The following PTPRO variants were observed in gnomAD, a reference collection of about 807,000 sequenced individuals.
PTPRO encodes the protein receptor-type tyrosine-protein phosphatase O.
PTPRO carries 62 observed loss-of-function variants against 145.2 expected under a neutral mutation model. That is an observed-to-expected ratio of 0.43 (90% confidence interval 0.35 to 0.53). The LOEUF is 0.53. Among genes scored for constraint, PTPRO ranks in the 20% least tolerant of loss-of-function variants. The pLI is 0.01. For synonymous variants in PTPRO, 565 were observed against 514.7 expected (o/e 1.10, Z -1.32); for missense variants, 1,345 against 1,482.7 (o/e 0.91, Z 1.53).
intron 2 of PTPRO, among the ~76,000 whole-genome samples, chr12:15,487,886 C>A (rs771608536): frequency 4.6e-5 from 7 of 152,178 alleles, no homozygotes; most frequent in Non-Finnish European, 7.3e-5. Context: ...CAGAGCAATT[C>A]TTTGCATCCA....
At chr12:15,333,575 C>G (rs1033838536) in intron 1 of PTPRO, among the ~76,000 whole-genome samples, 1 of 152,116 alleles carries the variant, frequency 6.6e-6, no homozygotes, top group Non-Finnish European at 1.5e-5. Context: ...AGAGGAATAG[C>G]AGGATGCAGG....
chr12:15,340,948 A>G (rs1315566123), intron 1 of PTPRO, among the ~76,000 whole-genome samples: 2 of 152,186 alleles, frequency 1.3e-5, no homozygotes, highest in Non-Finnish European at 2.9e-5. Flanking sequence ...TCTGTTTAAT[A>G]CTCTTATCTG....
At chr12:15,435,635 T>C (rs1940574884) in intron 1 of PTPRO, among the ~76,000 whole-genome samples, 2 of 152,116 alleles carry the variant, frequency 1.3e-5, no homozygotes, top group African/African-American at 2.4e-5. Context: ...TCCTCATATT[T>C]CTCAAATATA....
At chr12:15,522,438 T>C (rs1384980317) in intron 10 of PTPRO, among the ~76,000 whole-genome samples, 1 of 150,934 alleles carries the variant, frequency 6.6e-6, no homozygotes, top group Non-Finnish European at 1.5e-5. Flanking sequence ...CCGACAGTTC[T>C]CATGTGATGC....
At chr12:15,562,309 G>A (rs1184172964) in intron 17 of PTPRO, among the ~76,000 whole-genome samples, 1 of 152,048 alleles carries the variant, frequency 6.6e-6, no homozygotes, top group Non-Finnish European at 1.5e-5. Context: ...ATTTTCCCCT[G>A]CTTTCATTGG....
At chr12:15,391,203 G>A (rs534784921) in intron 1 of PTPRO, among the ~76,000 whole-genome samples, 1 of 152,130 alleles carries the variant, frequency 6.6e-6, no homozygotes, top group African/African-American at 2.4e-5. Flanking sequence ...GATCCAAAAT[G>A]CCTTTTATAA....
At position 15,412,928 on chromosome 12, in the gene PTPRO, G is replaced by A. The variant is rs149568539; in HGVS notation, c.76-71046G>A. 8.3e-3 allele frequency among the ~76,000 whole-genome samples: 1,266 copies of A among 152,298 alleles called. 8 individuals carry two copies. The highest frequency in any genetic ancestry group is 0.013 in the Non-Finnish European group (856 of 68,022). On this transcript the variant is annotated intron_variant, in intron 1 of 26. Coordinates refer to ENST00000281171, the MANE Select transcript of PTPRO (RefSeq NM_030667.3). ...CCTGCCTCAGCCTCCCAAGTAGACA[G>A]GATTACAGGCATGCACACCATGCCC...
At chr12:15,388,030 C>T (rs953564839) in intron 1 of PTPRO, among the ~76,000 whole-genome samples, 2 of 152,032 alleles carry the variant, frequency 1.3e-5, no homozygotes, top group African/African-American at 4.8e-5. Context: ...AGAGATCCAC[C>T]TAGTTATAAA....
At chr12:15,567,193 C>A (rs562404239) in intron 18 of PTPRO, among the ~76,000 whole-genome samples, 11 of 152,222 alleles carry the variant, frequency 7.2e-5, no homozygotes, top group African/African-American at 2.4e-4. Flanking sequence ...ACCTTCCCCC[C>A]TCTCATTTTC....
rs772080771 is a variant in PTPRO at position 15,483,980 on chromosome 12, A to G, written c.82A>G (p.Thr28Ala). The change falls in exon 2 of 27, where the codon ACA (threonine) becomes GCA (alanine). Residue 28 changes from threonine to alanine, a missense_variant. Coordinates refer to ENST00000281171, the MANE Select transcript of PTPRO (RefSeq NM_030667.3). ...ATTCTGTTTCATTCAACAGAATGCT[A>G]CAGCTTTCCATGTAACTGTCCAAGA... ...LWLFVLFKNATAFHVTVQDDN... is the reference protein window; with the variant it reads ...LWLFVLFKNAAAFHVTVQDDN... The G allele has an allele frequency of 1.2e-6, 2 of 1,613,440 alleles. No homozygotes were observed. Among genetic ancestry groups the G allele is most frequent in the Admixed American group, 3.3e-5 (2 of 60,006 alleles).
chr12:15,416,620 G>T (rs1939984973), intron 1 of PTPRO, among the ~76,000 whole-genome samples: 1 of 151,404 alleles, frequency 6.6e-6, no homozygotes, highest in Admixed American at 6.6e-5. Context: ...CGCCCAGCCG[G>T]TTCCTCTCTC....
At chr12:15,376,474 T>A (rs577764463) in intron 1 of PTPRO, among the ~76,000 whole-genome samples, 3 of 152,226 alleles carry the variant, frequency 2.0e-5, no homozygotes, top group Admixed American at 6.5e-5. Context: ...CAAACTGAAA[T>A]GAAAATACAC....
intron 1 of PTPRO, among the ~76,000 whole-genome samples, chr12:15,408,320 C>T (rs1939702275): frequency 6.6e-6 from 1 of 152,142 alleles, no homozygotes; most frequent in Non-Finnish European, 1.5e-5. Context: ...TAAGATCAAT[C>T]ATATCCTGTT....
In PTPRO at chr12:15,358,727, C is replaced by T. The variant is rs150619463; in HGVS notation, c.75+35926C>T. 6.4e-3 allele frequency among the ~76,000 whole-genome samples: 973 copies of T among 152,338 alleles called. 7 individuals carry two copies. The highest frequency in any genetic ancestry group is 0.01 in the Middle Eastern group (3 of 294). On this transcript the variant is annotated intron_variant, in intron 1 of 26. Transcript: ENST00000281171. ...ATATTGTATGCTCTGTGCCTCACTTCATTGTATGTTTTACCTGTTATTTAA... is the reference window on the plus strand; with the variant it reads ...ATATTGTATGCTCTGTGCCTCACTTTATTGTATGTTTTACCTGTTATTTAA...
rs1213619255 is a variant in PTPRO, at chr12:15,484,061, G to T, written c.163G>T (p.Val55Leu). Residue 55 changes from valine to leucine, a missense_variant, in exon 2 of 27, where the codon GTG (valine) becomes TTG (leucine). By Grantham distance (32) the Val-to-Leu change is conservative (BLOSUM62 1). Coordinates refer to ENST00000281171, the MANE Select transcript of PTPRO (RefSeq NM_030667.3). ...EASDVISPAS[V>L]YVVKITGESK... is the part of the protein sequence containing the mutation. ...TTCAGACGTCATCAGTCCAGCATCT[G>T]TGTATGTTGTGAAGATAACTGGTGA... is the stretch of plus-strand genomic sequence containing the variant. The T allele has an allele frequency of 6.2e-7, 1 of 1,613,848 alleles. No individual in the cohort carries two copies. The highest frequency in any genetic ancestry group is 1.7e-5 in the Admixed American group (1 of 59,990).
At chr12:15,372,358 T>A (rs1014910470) in intron 1 of PTPRO, among the ~76,000 whole-genome samples, 12 of 152,166 alleles carry the variant, frequency 7.9e-5, no homozygotes, top group Admixed American at 6.5e-4. Flanking sequence ...TTATATGGTA[T>A]CTCTCTCTAA....
chr12:15,527,746 AG>A (rs1165198207), intron 12 of PTPRO, among the ~76,000 whole-genome samples: 4 of 152,236 alleles, frequency 2.6e-5, no homozygotes, highest in African/African-American at 9.6e-5. Context: ...AATATTTGCT[AG>A]GCAAACATAG....
chr12:15,402,178 A>C (rs1013210048), intron 1 of PTPRO, among the ~76,000 whole-genome samples: 3 of 152,148 alleles, frequency 2.0e-5, no homozygotes, highest in African/African-American at 7.2e-5. Context: ...TCATGAGGCC[A>C]GGAGATCGAG....
intron 16 of PTPRO, among the ~76,000 whole-genome samples, chr12:15,558,508 C>A (rs1244903060): frequency 6.6e-6 from 1 of 152,148 alleles, no homozygotes; most frequent in Admixed American, 6.5e-5. Flanking sequence ...ATTAACAATC[C>A]TATCCAGTTC....
Sources: gnomAD v4.1 joint callset for allele counts (sites outside exome capture counted in the v4.1 genomes callset) on GRCh38, gnomAD v4.1.1 for gene constraint, MANE v1.5 for transcripts, NCBI Gene and HGNC (gene_info 2026-07-23, HGNC 2026-07-21) for gene names.